The following RPS6KC1 variants were observed in gnomAD, a reference collection of about 807,000 sequenced individuals.
The protein encoded by RPS6KC1 is ribosomal protein S6 kinase C1.
A neutral mutation model predicts 103.8 loss-of-function variants in RPS6KC1; 54 were observed. That is an observed-to-expected ratio of 0.52 (90% confidence interval 0.42 to 0.65). The LOEUF (loss-of-function observed/expected upper bound fraction) is 0.65, where lower values mean the gene tolerates loss of function less well. RPS6KC1 is among the 30% of genes least tolerant of loss of function. The probability of loss-of-function intolerance (pLI) is 0.00; values close to 1 mark genes in which losing one functional copy is unlikely to be tolerated. For missense variants in RPS6KC1, 1,151 were observed against 1,253.8 expected, an observed-to-expected ratio of 0.92 and a Z score of 1.24; for synonymous variants, 439 against 438.7, an observed-to-expected ratio of 1.00 and a Z score of -0.01.
the RPS6KC1 span, among the ~76,000 whole-genome samples, chr1:213,479,996 C>T: frequency 2.0e-5 from 3 of 151,832 alleles, no homozygotes; most frequent in Non-Finnish European, 4.4e-5. Flanking sequence ...AACATACTGC[C>T]TTTTATTGTT....
In RPS6KC1 at chr1:213,192,401, C is replaced by G. The variant is rs376641878; in HGVS notation, c.1044+15909C>G. Among the ~76,000 whole-genome samples, 4 of 152,164 alleles carry G rather than the reference C, an allele frequency of 2.6e-5. No homozygotes were observed. In the East Asian group the frequency reaches 5.8e-4, roughly 22 times the overall value. On this transcript the variant is annotated intron_variant, in intron 8 of 14. Coordinates refer to ENST00000366960, the MANE Select transcript of RPS6KC1 (RefSeq NM_012424.6). ...ATCGGGGTAATACTAGCCTCATAGA[C>G]TGAGTTTGGAAGTATTCCCACCTCT...
chr1:213,423,176 T>C, the RPS6KC1 span, among the ~76,000 whole-genome samples: 6 of 152,334 alleles, frequency 3.9e-5, no homozygotes, highest in South Asian at 1.2e-3. Flanking sequence ...AATGTGACTT[T>C]ATTTGTTTTT....
intron 6 of RPS6KC1, among the ~76,000 whole-genome samples, chr1:213,150,925 A>G (rs1189419204): frequency 4.1e-4 from 60 of 147,774 alleles, no homozygotes; most frequent in Non-Finnish European, 6.9e-4. Flanking sequence ...TGGGCGGGGC[A>G]GCTGGCCGGG....
At chr1:213,841,066 A>G in the RPS6KC1 span, 1 of 152,174 alleles carries the variant, frequency 6.6e-6, no homozygotes, top group African/African-American at 2.4e-5. Context: ...AAGTAAAATA[A>G]ATGTTTAAAT....
At chr1:213,438,670 C>T in the RPS6KC1 span, among the ~76,000 whole-genome samples, 1 of 152,130 alleles carries the variant, frequency 6.6e-6, no homozygotes, top group Admixed American at 6.5e-5. Context: ...CTATTTTCTA[C>T]TTGAATTCTC....
chr1:213,371,606 GGTT>G, the RPS6KC1 span, among the ~76,000 whole-genome samples: 5 of 152,278 alleles, frequency 3.3e-5, no homozygotes, highest in East Asian at 1.9e-4. Context: ...GTTACTTTCT[GGTT>G]GTTGTTGTTT....
At chr1:213,240,603 G>C (rs1042133236) in intron 10 of RPS6KC1, 99 bp from the exon 11 acceptor site, 2 of 981,366 alleles carry the variant, frequency 2.0e-6, no homozygotes, top group Admixed American at 2.3e-5. Context: ...GACTTGTTTT[G>C]ATTGATTTTT....
At chr1:213,646,871 A>ATC in the RPS6KC1 span, among the ~76,000 whole-genome samples, 1 of 125,470 alleles carries the variant, frequency 8.0e-6, no homozygotes, top group Non-Finnish European at 1.7e-5. Context: ...TTATATATAT[A>ATC]TGTGTGTATG....
At chr1:213,137,069 A>G (rs905098308) in intron 6 of RPS6KC1, among the ~76,000 whole-genome samples, 2 of 151,350 alleles carry the variant, frequency 1.3e-5, no homozygotes, top group African/African-American at 4.9e-5. Flanking sequence ...TGTTGTTTCC[A>G]CCCTCTTCTC....
chr1:213,719,994 C>T, the RPS6KC1 span, among the ~76,000 whole-genome samples: 10 of 152,160 alleles, frequency 6.6e-5, no homozygotes, highest in Non-Finnish European at 8.8e-5. Flanking sequence ...TTTCTGCCTG[C>T]TCTTCCTGCC....
intron 6 of RPS6KC1, among the ~76,000 whole-genome samples, chr1:213,140,905 CT>C (rs34127512): frequency 1.4e-4 from 5 of 36,960 alleles, no homozygotes; most frequent in Non-Finnish European, 1.7e-4. Flanking sequence ...TTTTTTTTTT[CT>C]TTTTTTTTTG....
chr1:213,792,910 C>T, the RPS6KC1 span, among the ~76,000 whole-genome samples: 1 of 147,830 alleles, frequency 6.8e-6, no homozygotes, highest in Non-Finnish European at 1.5e-5. Context: ...GCATCCTGAA[C>T]AGCCAGCCCC....
intron 10 of RPS6KC1, among the ~76,000 whole-genome samples, chr1:213,235,902 T>G (rs1007386596): frequency 6.6e-6 from 1 of 152,158 alleles, no homozygotes; most frequent in African/African-American, 2.4e-5. Flanking sequence ...TGGAAGTTGT[T>G]GCAGCACCCC....
chr1:213,764,664 A>ACAGGGAGT, the RPS6KC1 span, among the ~76,000 whole-genome samples: 1 of 152,086 alleles, frequency 6.6e-6, no homozygotes, highest in African/African-American at 2.4e-5. Flanking sequence ...GCTCTTGGGG[A>ACAGGGAGT]CAGGGAGTCA....
the RPS6KC1 span, among the ~76,000 whole-genome samples, chr1:213,294,515 T>C: frequency 6.6e-6 from 1 of 152,134 alleles, no homozygotes; most frequent in Non-Finnish European, 1.5e-5. Flanking sequence ...TCAGTCATTT[T>C]TGAGTGAGTA....
the RPS6KC1 span, among the ~76,000 whole-genome samples, chr1:213,533,219 AT>A: frequency 6.6e-6 from 1 of 152,148 alleles, no homozygotes; most frequent in Admixed American, 6.5e-5. Context: ...GGCAGTGGGA[AT>A]GGAAAGAAAA....
At chr1:213,644,725 CTCAG>C in the RPS6KC1 span, among the ~76,000 whole-genome samples, 4 of 152,094 alleles carry the variant, frequency 2.6e-5, no homozygotes, top group Non-Finnish European at 4.4e-5. Flanking sequence ...AGTGGAATTG[CTCAG>C]TCAAAGGGCA....
the RPS6KC1 span, among the ~76,000 whole-genome samples, chr1:213,482,816 T>C: frequency 3.9e-5 from 6 of 152,142 alleles, no homozygotes; most frequent in Middle Eastern, 3.4e-3. Flanking sequence ...CAAAGTGACC[T>C]TTGTTTTTTA....
chr1:213,583,844 A>G, the RPS6KC1 span, among the ~76,000 whole-genome samples: 12 of 148,556 alleles, frequency 8.1e-5, no homozygotes, highest in Non-Finnish European at 1.6e-4. Context: ...AAAAAGAAAA[A>G]AGAAAAAAAA....
Sources: allele counts gnomAD v4.1 joint callset (sites outside exome capture counted in the v4.1 genomes callset), GRCh38; gene constraint gnomAD v4.1.1; transcripts MANE v1.5; gene names NCBI Gene and HGNC (gene_info 2026-07-23, HGNC 2026-07-21).